The following DOCK11 variants were observed in gnomAD, a reference collection of about 807,000 sequenced individuals.
DOCK11 encodes the protein dedicator of cytokinesis 11.
In DOCK11, 70 loss-of-function variants were observed where a neutral mutation model predicts 169.1. The observed-to-expected ratio is 0.41, with a 90% confidence interval of 0.34 to 0.51. The LOEUF is 0.51. Ranked by LOEUF, DOCK11 falls within the 20% of genes least tolerant of loss-of-function variation. The pLI, the probability that DOCK11 is intolerant of heterozygous loss-of-function variation, is 0.10. For synonymous variants in DOCK11, 529 were observed against 541.3 expected (o/e 0.98, Z 0.32); for missense variants, 1,166 against 1,538.8 (o/e 0.76, Z 4.05).
chrX:118,666,212 G>A (rs1307511007), intron 45 of DOCK11, among the ~76,000 whole-genome samples: 10 of 112,211 alleles, frequency 8.9e-5, no homozygotes, highest in African/African-American at 2.9e-4. Context: ...AGCCAAGATC[G>A]TGCCACTGCA....
Position 118,641,193 on chromosome X carries a change from C to A in DOCK11, c.4148C>A (p.Ser1383Tyr). 8.3e-7 allele frequency: 1 copy of A among 1,198,031 alleles called. No individual in the cohort carries two copies. The highest frequency in any genetic ancestry group is 3.0e-5 in the East Asian group (1 of 33,773). Residue 1383 changes from serine (S) to tyrosine (Y), a missense_variant, in exon 39 of 53, where the codon TCT becomes TAT. By Grantham distance (144) the Ser-to-Tyr change is moderately radical (BLOSUM62 -2). Coordinates refer to ENST00000276202, the MANE Select transcript of DOCK11 (RefSeq NM_144658.4). Reference sequence around the variant, plus strand: ...TAATTTACTTTTTTAATCCTAGGTTCTACAACAACTGAAGCAGACATTTTC... The same window carrying A: ...TAATTTACTTTTTTAATCCTAGGTTATACAACAACTGAAGCAGACATTTTC... Reference protein sequence around the residue: ...LESSFTLNHSSTTTEADIFHQ... With the variant: ...LESSFTLNHSYTTTEADIFHQ...
chrX:118,647,825 TA>T (rs1200263954), intron 40 of DOCK11, among the ~76,000 whole-genome samples: 3 of 53,763 alleles, frequency 5.6e-5, no homozygotes, highest in African/African-American at 2.5e-4. Flanking sequence ...TATATTATTA[TA>T]ATATAATATT....
In DOCK11 at chrX:118,599,093, G is replaced by A. The variant is rs532818902; in HGVS notation, c.2473-46G>A. 808 of 1,042,095 alleles carry A rather than the reference G, an allele frequency of 7.8e-4. 7 individuals are homozygous for A. The South Asian group carries it at 0.014, about 19-fold the overall frequency. The allele number at this position is 1,042,095 out of a possible 1,213,427, so 85.9% of individuals were successfully genotyped here. A position where few individuals can be genotyped will look rare whatever the true frequency, so the allele number is the denominator to read the frequency against. On this transcript the variant is annotated intron_variant, in intron 22 of 52. Transcript: ENST00000276202. ...GGAGAGGTAGAGAGCTTGCATTTGA[G>A]GATAATGAATCAAATTTCATATGGC... is the stretch of plus-strand genomic sequence containing the variant.
chrX:118,584,463 C>T (rs2013754043), intron 14 of DOCK11, among the ~76,000 whole-genome samples: 1 of 111,641 alleles, frequency 9.0e-6, no homozygotes, highest in African/African-American at 3.3e-5. Context: ...TAGTTTGGAG[C>T]TATAGCAAAT....
chrX:118,501,310 G>A (rs1055849020), intron 1 of DOCK11, among the ~76,000 whole-genome samples: 1 of 107,649 alleles, frequency 9.3e-6, no homozygotes, highest in Admixed American at 9.8e-5. Flanking sequence ...GCAAAACCCC[G>A]TCTCTACTTA....
intron 45 of DOCK11, among the ~76,000 whole-genome samples, chrX:118,664,286 TGA>T (rs1192831702): frequency 9.0e-6 from 1 of 111,246 alleles, no homozygotes; most frequent in African/African-American, 3.3e-5. Context: ...GGAAAAGTGA[TGA>T]ATTTCATTTT....
At chrX:118,644,788 A>G in intron 40 of DOCK11, among the ~76,000 whole-genome samples, 1 of 111,930 alleles carries the variant, frequency 8.9e-6, no homozygotes. Context: ...TAAGAGTTGG[A>G]TTTCATCTTT....
At chrX:118,651,007 C>T (rs1020443514) in intron 41 of DOCK11, among the ~76,000 whole-genome samples, 5 of 111,881 alleles carry the variant, frequency 4.5e-5, no homozygotes, top group African/African-American at 1.6e-4. Flanking sequence ...AGATTTGTAT[C>T]TAAGGCATTC....
At chrX:118,556,699 G>A (rs1347106019) in intron 6 of DOCK11, among the ~76,000 whole-genome samples, 2 of 106,268 alleles carry the variant, frequency 1.9e-5, no homozygotes, top group East Asian at 3.0e-4. Context: ...AGAGGTTGCA[G>A]TAAGCCGAGA....
intron 1 of DOCK11, among the ~76,000 whole-genome samples, chrX:118,535,855 A>G (rs2147337353): frequency 8.9e-6 from 1 of 111,919 alleles, no homozygotes; most frequent in East Asian, 2.8e-4. Context: ...CCGCCCCACC[A>G]CATCACCATT....
chrX:118,644,890 C>G (rs1212853933), intron 40 of DOCK11, among the ~76,000 whole-genome samples: 1 of 111,438 alleles, frequency 9.0e-6, no homozygotes, highest in Non-Finnish European at 1.9e-5. Flanking sequence ...TGGGGAAAAT[C>G]TCTTTAAAAG....
At chrX:118,624,807 G>T in intron 32 of DOCK11, 152 bp downstream of exon 32, 1 of 393,505 alleles carries the variant, frequency 2.5e-6, no homozygotes, top group Non-Finnish European at 4.4e-6. Context: ...CACCCAGGCT[G>T]GAGTGTAGTG....
At chrX:118,589,826 T>C (rs761033724) in intron 18 of DOCK11, among the ~76,000 whole-genome samples, 12 of 112,572 alleles carry the variant, frequency 1.1e-4, no homozygotes, top group Non-Finnish European at 1.9e-4. Context: ...GTTCAACAAA[T>C]GTTGCCGACT....
intron 19 of DOCK11, 45 bp from the exon 20 acceptor site, chrX:118,593,169 G>T (rs1490216189): frequency 8.6e-7 from 1 of 1,167,401 alleles, no homozygotes; most frequent in African/African-American, 1.8e-5. Context: ...GACAGTTTCA[G>T]CTTGAGAAAA....
chrX:118,533,137 G>A (rs1416861802), intron 1 of DOCK11, among the ~76,000 whole-genome samples: 2 of 110,575 alleles, frequency 1.8e-5, no homozygotes, highest in African/African-American at 6.6e-5. Flanking sequence ...GATTACAGGC[G>A]CCCATCACCA....
At chrX:118,684,937 A>T (rs1317580628) in intron 52 of DOCK11, among the ~76,000 whole-genome samples, 3 of 112,086 alleles carry the variant, frequency 2.7e-5, no homozygotes, top group Non-Finnish European at 5.6e-5. Context: ...AGAACCAAGT[A>T]TTGAAAGCTT....
rs138703398 is a variant in DOCK11 at position 118,636,184 on chromosome X, A to T, written c.3887-162A>T. On this transcript the variant is annotated intron_variant, in intron 35 of 52. Transcript: ENST00000276202. Reference sequence around the variant, plus strand: ...ATATATTTGGAATTAATTCAAAAGAATACAGAGTGTATACTGCGCAGTGGG... The same window carrying T: ...ATATATTTGGAATTAATTCAAAAGATTACAGAGTGTATACTGCGCAGTGGG... 5.5e-3 allele frequency among the ~76,000 whole-genome samples: 620 copies of T among 112,207 alleles called. 6 individuals carry two copies. The highest frequency in any genetic ancestry group is 0.019 in the African/African-American group (598 of 30,925).
intron 41 of DOCK11, 56 bp downstream of exon 41, chrX:118,649,183 A>G: frequency 9.9e-7 from 1 of 1,011,929 alleles, no homozygotes; most frequent in Non-Finnish European, 1.3e-6. Flanking sequence ...TTTAACCTCT[A>G]GATCAAGATC....
chrX:118,678,980 C>T (rs986167613), intron 48 of DOCK11, among the ~76,000 whole-genome samples: 9 of 110,618 alleles, frequency 8.1e-5, no homozygotes, highest in African/African-American at 2.0e-4. Flanking sequence ...TGTGTGGAGA[C>T]GGGGTCTCAC....
Sources: gnomAD v4.1 joint callset for allele counts (sites outside exome capture counted in the v4.1 genomes callset) on GRCh38, gnomAD v4.1.1 for gene constraint, MANE v1.5 for transcripts, NCBI Gene and HGNC (gene_info 2026-07-23, HGNC 2026-07-21) for gene names.